The following SPRY3 variants were observed in gnomAD, a reference collection of about 807,000 sequenced individuals.
SPRY3 encodes the protein sprouty RTK signaling antagonist 3.
SPRY3 carries 15 observed loss-of-function variants against 20.2 expected under a neutral mutation model. The ratio of observed to expected loss-of-function variants is 0.74; its 90% confidence interval spans 0.50 to 1.14. The LOEUF (loss-of-function observed/expected upper bound fraction) is 1.14, where lower values mean the gene tolerates loss of function less well. Among genes scored for constraint, SPRY3 ranks in the 50% most tolerant of loss-of-function variants. The probability of loss-of-function intolerance (pLI) is 0.00; values close to 1 mark genes in which losing one functional copy is unlikely to be tolerated. For synonymous variants in SPRY3, 143 were observed against 136.5 expected, an observed-to-expected ratio of 1.05 and a Z score of -0.33; for missense variants, 364 against 363.9, an observed-to-expected ratio of 1.00 and a Z score of 0.00.
intron 3 of SPRY3, 131 bp downstream of exon 2, chrX:155,768,267 C>G (rs1199915385): frequency 6.6e-6 from 1 of 151,874 alleles, no homozygotes; most frequent in Non-Finnish European, 1.5e-5. Flanking sequence ...CGCGCGCGCG[C>G]AAGCGCATGG....
At chrX:155,709,707 C>T (rs1211394911) in intron 2 of SPRY3, among the ~76,000 whole-genome samples, 2 of 151,656 alleles carry the variant, frequency 1.3e-5, no homozygotes, top group Admixed American at 6.6e-5. Flanking sequence ...GTTGCCTGTG[C>T]TTGCAAGGTA....
chrX:155,703,518 T>A (rs2124533356), intron 2 of SPRY3, among the ~76,000 whole-genome samples: 1 of 77,254 alleles, frequency 1.3e-5, no homozygotes, highest in African/African-American at 5.6e-5. Context: ...TTTTCTTTAT[T>A]AGTCTTGCTA....
rs997443631 is a variant in SPRY3 at position 155,617,741 on chromosome X, A to G, written c.-441+5094A>G. 9.8e-5 allele frequency among the ~76,000 whole-genome samples: 11 copies of G among 112,325 alleles called. No homozygotes were observed. The East Asian group carries it at 2.8e-3, about 29-fold the overall frequency. ...GAACTTCTTGGTTTCAAGACTAACTATAAAACTACACTTATCAAAACAGTG... is the reference window on the plus strand; with the variant it reads ...GAACTTCTTGGTTTCAAGACTAACTGTAAAACTACACTTATCAAAACAGTG... On this transcript the variant is annotated intron_variant, in intron 1 of 3. Transcript: ENST00000675360.
exon 4 of SPRY3, chrX:155,773,957 A>C: frequency 6.2e-7 from 1 of 1,613,968 alleles, no homozygotes; most frequent in Non-Finnish European, 8.5e-7. Flanking sequence ...GACTACGTGG[A>C]ACGGCCTCCA....
intron 2 of SPRY3, among the ~76,000 whole-genome samples, chrX:155,710,848 G>C (rs914373265): frequency 6.6e-6 from 1 of 151,016 alleles, no homozygotes; most frequent in Non-Finnish European, 1.5e-5. Context: ...TATATACCTA[G>C]GTTTTTTTAG....
chrX:155,772,931 C>T (rs1005451302), intron 3 of SPRY3, among the ~76,000 whole-genome samples: 1 of 152,024 alleles, frequency 6.6e-6, no homozygotes, highest in African/African-American at 2.4e-5. Flanking sequence ...GGTATAATTA[C>T]AGATGATTTT....
At chrX:155,652,344 TCTAA>T (rs1341683286) in intron 1 of SPRY3, among the ~76,000 whole-genome samples, 3 of 111,524 alleles carry the variant, frequency 2.7e-5, no homozygotes, top group African/African-American at 9.8e-5. Flanking sequence ...ATTCATTCTT[TCTAA>T]CTATTTTTTT....
chrX:155,685,332 G>T (rs2068084233), intron 2 of SPRY3, among the ~76,000 whole-genome samples: 2 of 108,521 alleles, frequency 1.8e-5, no homozygotes. Context: ...CAAGTTCACT[G>T]ACTCTTTTCT....
In SPRY3 at chrX:155,697,006, C is replaced by A. The variant is rs73562853; in HGVS notation, c.-282+39981C>A. Among the ~76,000 whole-genome samples, 440 of 111,452 alleles carry A rather than the reference C, an allele frequency of 3.9e-3. 2 individuals are homozygous for A. Among genetic ancestry groups the A allele is most frequent in the African/African-American group, 0.014 (419 of 30,695 alleles). On this transcript the variant is annotated intron_variant, in intron 2 of 3. Transcript: ENST00000675360. Reference sequence around the variant, plus strand: ...ACTATTCTAAGTGCTTTATGCATATCATCTCATTTAATCCTCACAGTAGTC... The same window carrying A: ...ACTATTCTAAGTGCTTTATGCATATAATCTCATTTAATCCTCACAGTAGTC...
chrX:155,733,855 G>C (rs306906), intron 2 of SPRY3, among the ~76,000 whole-genome samples: 23,971 of 152,014 alleles, frequency 0.16, 3,556 homozygotes, highest in African/African-American at 0.41. Flanking sequence ...TATGGAAATG[G>C]CTTCTTTCCT....
At chrX:155,670,407 G>A (rs782521967) in intron 2 of SPRY3, among the ~76,000 whole-genome samples, 1 of 111,590 alleles carries the variant, frequency 9.0e-6, no homozygotes, top group Non-Finnish European at 1.9e-5. Flanking sequence ...GTCTTGCAGC[G>A]ACAAGTCAAT....
At chrX:155,759,077 T>TG (rs988283896) in intron 2 of SPRY3, among the ~76,000 whole-genome samples, 9 of 152,018 alleles carry the variant, frequency 5.9e-5, no homozygotes, top group African/African-American at 2.2e-4. Flanking sequence ...ATTCTTTTTT[T>TG]TTTTTTTGAC....
intron 2 of SPRY3, among the ~76,000 whole-genome samples, chrX:155,736,386 A>G (rs2091169624): frequency 6.6e-6 from 1 of 151,846 alleles, no homozygotes. Context: ...CTGGTGACAC[A>G]TTTCCTCAAG....
At chrX:155,698,762 A>G (rs2068126914) in intron 2 of SPRY3, among the ~76,000 whole-genome samples, 1 of 111,554 alleles carries the variant, frequency 9.0e-6, no homozygotes. Flanking sequence ...ATATTTTGTG[A>G]CTCTTTCCTT....
intron 2 of SPRY3, among the ~76,000 whole-genome samples, chrX:155,729,894 A>T (rs1376171228): frequency 6.6e-6 from 1 of 152,158 alleles, no homozygotes; most frequent in South Asian, 2.1e-4. Flanking sequence ...TACCACAAAA[A>T]TTCAAAGGAT....
chrX:155,774,888 C>T, exon 4 of SPRY3: 1 of 834,440 alleles, frequency 1.2e-6, no homozygotes, highest in East Asian at 2.6e-5. Flanking sequence ...TGACCAAGTA[C>T]ATCCTGGTGC....
chrX:155,748,073 C>G (rs1351032669), intron 2 of SPRY3, among the ~76,000 whole-genome samples: 7 of 151,714 alleles, frequency 4.6e-5, no homozygotes, highest in Admixed American at 1.3e-4. Context: ...TAGCACTGTT[C>G]CAGAGAGGGA....
exon 4 of SPRY3, chrX:155,774,840 G>T (rs1189079809): frequency 7.5e-7 from 1 of 1,333,992 alleles, no homozygotes; most frequent in Non-Finnish European, 1.0e-6. Context: ...ACTAGCCAAA[G>T]TTAGGGCCTC....
At chrX:155,769,946 G>C (rs536141045) in intron 3 of SPRY3, among the ~76,000 whole-genome samples, 2 of 152,146 alleles carry the variant, frequency 1.3e-5, no homozygotes, top group African/African-American at 2.4e-5. Flanking sequence ...TGCACAGAGA[G>C]GGATTTTTAG....
Sources: gnomAD v4.1 joint callset for allele counts (sites outside exome capture counted in the v4.1 genomes callset) on GRCh38, gnomAD v4.1.1 for gene constraint, MANE v1.5 for transcripts, NCBI Gene and HGNC (gene_info 2026-07-23, HGNC 2026-07-21) for gene names.